Variants in SNX14 observed in about 807,000 individuals in gnomAD.
SNX14 encodes the protein sorting nexin-14.
SNX14 carries 93 observed loss-of-function variants against 133.8 expected under a neutral mutation model. The observed-to-expected ratio is 0.70, with a 90% CI of 0.59 to 0.83. SNX14 has a LOEUF of 0.83. Among genes scored for constraint, SNX14 ranks in the 40% least tolerant of loss-of-function variants. The pLI is 0.00. For synonymous variants in SNX14, 368 were observed against 365.6 expected, an observed-to-expected ratio of 1.01 and a Z score of -0.07; for missense variants, 945 against 1,094.9, an observed-to-expected ratio of 0.86 and a Z score of 1.93.
Position 85,522,785 on chromosome 6 carries a change from T to C in SNX14, c.2107+3341A>G, listed in dbSNP as rs183997486. On this transcript the variant is annotated intron_variant, in intron 21 of 28. Coordinates refer to ENST00000314673, the MANE Select transcript of SNX14 (RefSeq NM_153816.6). ...TATCATGACACATTCGGCCATAACTTATCTTTCTAGTCTCACTCTCTTGCA... is the reference window on the plus strand; with the variant it reads ...TATCATGACACATTCGGCCATAACTCATCTTTCTAGTCTCACTCTCTTGCA... Among the ~76,000 whole-genome samples, 536 of 152,320 alleles carry C rather than the reference T, an allele frequency of 3.5e-3. 1 individual carries two copies. The highest frequency in any genetic ancestry group is 7.9e-3 in the South Asian group (38 of 4,814).
chr6:85,514,683 C>T (rs1327067443), intron 23 of SNX14, 54 bp from the exon 24 acceptor site: 26 of 1,542,914 alleles, frequency 1.7e-5, no homozygotes, highest in South Asian at 4.6e-5. Context: ...CATCTGCTGA[C>T]GATAATCAAT....
chr6:85,553,513 C>T (rs1788536311), intron 7 of SNX14, among the ~76,000 whole-genome samples: 1 of 151,996 alleles, frequency 6.6e-6, no homozygotes, highest in Non-Finnish European at 1.5e-5. Context: ...GCCAGGCGCC[C>T]GTGGCTCACG....
chr6:85,547,298 T>C lies in SNX14; in HGVS notation c.993+19A>G, dbSNP rs747454489. The stretch of plus-strand genomic sequence containing the variant: ...AAAATTGTTTATATCAAAAAGGTGT[T>C]ATTGCTGAAAATTCTTACAGATGGC... On this transcript the variant is annotated intron_variant, in intron 11 of 28. Transcript: ENST00000314673. 6.2e-7 allele frequency: 1 copy of C among 1,612,550 alleles called. No homozygotes were observed. The highest frequency in any genetic ancestry group is 2.2e-5 in the East Asian group (1 of 44,846).
In SNX14 at chr6:85,574,186, G is replaced by T. The variant is rs1249643761; in HGVS notation, c.261+72C>A. The stretch of plus-strand genomic sequence containing the variant: ...TAAATTAAAAAAATATACTGCTTTA[G>T]CAGGCTTTCAAATAATAAACAGCTT... On this transcript the variant is annotated intron_variant, in intron 2 of 28. Transcript: ENST00000314673. 5.9e-6 allele frequency: 7 copies of T among 1,179,578 alleles called. No individual in the cohort carries two copies. In the South Asian group the frequency reaches 1.3e-4, roughly 22 times the overall value. 73.1% of individuals were successfully genotyped at this position (1,179,578 alleles called of 1,614,324 possible). A position where few individuals can be genotyped will look rare whatever the true frequency, so the allele number is the denominator to read the frequency against.
chr6:85,551,714 G>GA (rs1478262499), intron 7 of SNX14, among the ~76,000 whole-genome samples: 7 of 152,154 alleles, frequency 4.6e-5, no homozygotes, highest in Non-Finnish European at 1.0e-4. Context: ...CCTTTTCAGA[G>GA]AACTTGTGTT....
intron 20 of SNX14, among the ~76,000 whole-genome samples, chr6:85,527,708 C>T (rs938546576): frequency 6.6e-6 from 1 of 151,808 alleles, no homozygotes; most frequent in Admixed American, 6.6e-5. Flanking sequence ...AAATAATACA[C>T]CCATACATTT....
chr6:85,554,797 T>TTA lies in SNX14; in HGVS notation c.634+3177_634+3178dup, dbSNP rs916343848. 1.8e-4 allele frequency among the ~76,000 whole-genome samples: 27 copies of TTA among 152,164 alleles called. 1 individual carries two copies. In the East Asian group the frequency reaches 2.1e-3, roughly 12 times the overall value. On this transcript the variant is annotated intron_variant, in intron 7 of 28. Coordinates refer to ENST00000314673, the MANE Select transcript of SNX14 (RefSeq NM_153816.6). Reference sequence around the variant, plus strand: ...AATGATAAATTTTAATCAAATTTGTTTATATATATATCATTCTCCTTTTTT... The same window carrying TTA: ...AATGATAAATTTTAATCAAATTTGTTTATATATATATATCATTCTCCTTTTTT...
At chr6:85,561,940 C>T (rs768864035) in intron 6 of SNX14, among the ~76,000 whole-genome samples, 3 of 150,562 alleles carry the variant, frequency 2.0e-5, no homozygotes, top group Non-Finnish European at 4.4e-5. Context: ...CAAATTATTT[C>T]GTCACCCAAG....
intron 1 of SNX14, among the ~76,000 whole-genome samples, chr6:85,580,411 C>T (rs146044332): frequency 3.9e-5 from 6 of 152,326 alleles, no homozygotes; most frequent in African/African-American, 1.4e-4. Context: ...AGCACATTCA[C>T]TGCTCTGATG....
At chr6:85,577,792 G>C (rs541522275) in intron 1 of SNX14, among the ~76,000 whole-genome samples, 6 of 151,614 alleles carry the variant, frequency 4.0e-5, no homozygotes, top group African/African-American at 1.5e-4. Context: ...AAACACAAAC[G>C]AACAAACAAA....
At chr6:85,528,233 A>G (rs372159255) in intron 20 of SNX14, 29 bp downstream of exon 20, 155 of 1,491,074 alleles carry the variant, frequency 1.0e-4, no homozygotes, top group Admixed American at 2.4e-4. Context: ...GATTAGCAAC[A>G]TTTGGAATTA....
chr6:85,540,786 G>A (rs932014303), intron 15 of SNX14, among the ~76,000 whole-genome samples: 3 of 151,950 alleles, frequency 2.0e-5, no homozygotes, highest in African/African-American at 7.3e-5. Flanking sequence ...CTAAAACATT[G>A]CCCCATTTCT....
intron 7 of SNX14, among the ~76,000 whole-genome samples, chr6:85,555,483 T>C (rs1345342150): frequency 6.6e-6 from 1 of 152,160 alleles, no homozygotes; most frequent in Non-Finnish European, 1.5e-5. Context: ...TGAAACATAC[T>C]GTATGATTCC....
intron 18 of SNX14, among the ~76,000 whole-genome samples, chr6:85,531,220 C>A (rs1780187826): frequency 6.6e-6 from 1 of 152,182 alleles, no homozygotes; most frequent in African/African-American, 2.4e-5. Flanking sequence ...CTGTTCTAAT[C>A]CCAGTTAACC....
chr6:85,569,527 C>T (rs896319165), intron 4 of SNX14, among the ~76,000 whole-genome samples: 9 of 152,178 alleles, frequency 5.9e-5, no homozygotes, highest in Non-Finnish European at 7.4e-5. Context: ...CCCTATGAGT[C>T]ACATGTGAAA....
At chr6:85,526,266 C>A in intron 20 of SNX14, 29 bp from the exon 21 acceptor site, 1 of 1,440,034 alleles carries the variant, frequency 6.9e-7, no homozygotes, top group Admixed American at 2.0e-5. Context: ...ACGGAAAACA[C>A]AGTTTAGAAA....
At chr6:85,527,841 T>C (rs945197524) in intron 20 of SNX14, among the ~76,000 whole-genome samples, 2 of 152,128 alleles carry the variant, frequency 1.3e-5, no homozygotes, top group East Asian at 1.9e-4. Flanking sequence ...GACTGAGGAA[T>C]AACATAGGAG....
At chr6:85,549,668 A>T in intron 8 of SNX14, 55 bp downstream of exon 8, 8 of 1,466,598 alleles carry the variant, frequency 5.5e-6, no homozygotes, top group Non-Finnish European at 7.3e-6. Context: ...CAAAAATAGC[A>T]ATATACATAT....
chr6:85,538,783 A>G, intron 16 of SNX14, 55 bp downstream of exon 16: 1 of 1,499,496 alleles, frequency 6.7e-7, no homozygotes, highest in Admixed American at 2.0e-5. Flanking sequence ...GGTTGTTCAC[A>G]ATGTACTTTC....
Sources: allele counts gnomAD v4.1 joint callset (sites outside exome capture counted in the v4.1 genomes callset), GRCh38; gene constraint gnomAD v4.1.1; transcripts MANE v1.5; gene names NCBI Gene and HGNC (gene_info 2026-07-23, HGNC 2026-07-21).